The following ASMTL variants were observed in gnomAD, a reference collection of about 807,000 sequenced individuals.
The protein encoded by ASMTL is acetylserotonin O-methyltransferase like, also known as probable bifunctional dTTP/UTP pyrophosphatase/methyltransferase protein.
ASMTL carries 57 observed loss-of-function variants against 60.3 expected under a neutral mutation model. The ratio of observed to expected loss-of-function variants is 0.95; its 90% CI spans 0.76 to 1.18. The LOEUF (loss-of-function observed/expected upper bound fraction) is 1.18, where lower values mean the gene tolerates loss of function less well. ASMTL is among the 50% of genes most tolerant of loss of function. ASMTL has a pLI of 0.00. For missense variants in ASMTL, 981 were observed against 852.6 expected (o/e 1.15, Z -1.88); for synonymous variants, 419 against 373.0 (o/e 1.12, Z -1.42).
At chrX:1,421,289 T>TG (rs1372110047) in intron 9 of ASMTL, among the ~76,000 whole-genome samples, 1 of 151,838 alleles carries the variant, frequency 6.6e-6, no homozygotes, top group Non-Finnish European at 1.5e-5. Context: ...TTTGTAGAGA[T>TG]GGGGGTCTCA....
At chrX:1,437,640 G>C (rs1460617288) in intron 3 of ASMTL, among the ~76,000 whole-genome samples, 33 of 152,162 alleles carry the variant, frequency 2.2e-4, no homozygotes, top group African/African-American at 6.5e-4. Flanking sequence ...GCTCACGCCT[G>C]TAATCCTAGC....
chrX:1,417,928 T>C, intron 11 of ASMTL, 45 bp downstream of exon 11: 1 of 1,565,454 alleles, frequency 6.4e-7, no homozygotes. Flanking sequence ...AAAGAGATGC[T>C]GCAGTCTGGA....
chrX:1,418,158 T>C (rs1440354238), intron 10 of ASMTL, 42 bp from the exon 11 acceptor site: 5 of 1,553,652 alleles, frequency 3.2e-6, no homozygotes, highest in East Asian at 2.3e-5. Context: ...GGGTCGTCTA[T>C]GGAACTCTGA....
At chrX:1,412,520 G>A (rs1339475373) in intron 12 of ASMTL, among the ~76,000 whole-genome samples, 14 of 151,880 alleles carry the variant, frequency 9.2e-5, no homozygotes, top group African/African-American at 2.2e-4. Flanking sequence ...GAGCCACCAC[G>A]CCTGGCTAAT....
chrX:1,412,543 AGTAGCGATGGG>A (rs2090069161), intron 12 of ASMTL, 178 bp downstream of exon 12: 1 of 222,322 alleles, frequency 4.5e-6, no homozygotes. Flanking sequence ...TTGTATTTTT[AGTAGCGATGGG>A]GTTTCACCAC....
chrX:1,449,748 A>G (rs1303686965), intron 1 of ASMTL, among the ~76,000 whole-genome samples: 2 of 130,926 alleles, frequency 1.5e-5, no homozygotes, highest in Non-Finnish European at 3.1e-5. Context: ...ATCCCCCATC[A>G]CCAGTAACTA....
intron 6 of ASMTL, chrX:1,431,927 G>C: frequency 3.3e-6 from 1 of 304,694 alleles, no homozygotes. Flanking sequence ...GAGTTTATTC[G>C]TGTTAATTGC....
chrX:1,450,811 C>A (rs1398533601), intron 1 of ASMTL, among the ~76,000 whole-genome samples: 2 of 146,390 alleles, frequency 1.4e-5, no homozygotes, highest in Admixed American at 1.3e-4. Context: ...GTTACTTTCC[C>A]CACCCACATC....
Position 1,442,180 on chromosome X carries a change from C to T in ASMTL, c.225+6G>A, listed in dbSNP as rs750745991. 6.2e-6 allele frequency: 10 copies of T among 1,613,312 alleles called. No individual in the cohort carries two copies. Among genetic ancestry groups the T allele is most frequent in the Non-Finnish European group, 3.4e-6 (4 of 1,179,810 alleles). ...TCATAAGGGCCGAAGGGCAGGGGCC[C>T]CTTGCCTGGTACAGCCGGTTGGCCA... On this transcript the variant is annotated splice_donor_region_variant and intron_variant, in intron 2 of 12. Transcript: ENST00000381317.
chrX:1,423,911 C>A (rs1320559239), intron 8 of ASMTL, among the ~76,000 whole-genome samples: 2 of 150,202 alleles, frequency 1.3e-5, no homozygotes, highest in Non-Finnish European at 3.0e-5. Context: ...CATCTATTCA[C>A]CCATCCACTG....
At chrX:1,405,326 G>T (rs2089778581) in intron 12 of ASMTL, among the ~76,000 whole-genome samples, 2 of 151,428 alleles carry the variant, frequency 1.3e-5, no homozygotes, top group Middle Eastern at 3.4e-3. Context: ...GTAGATGATG[G>T]ATCGTTAGGT....
intron 5 of ASMTL, among the ~76,000 whole-genome samples, 163 bp from the exon 6 acceptor site, chrX:1,432,540 G>A (rs1404622853): frequency 6.6e-6 from 1 of 152,180 alleles, no homozygotes; most frequent in Non-Finnish European, 1.5e-5. Context: ...CAAGAAAAGG[G>A]AGAAAGGGGC....
intron 11 of ASMTL, among the ~76,000 whole-genome samples, chrX:1,416,689 GAC>G (rs1202427479): frequency 3.3e-5 from 5 of 150,602 alleles, no homozygotes; most frequent in East Asian, 2.0e-4. Flanking sequence ...CGCAGATGCA[GAC>G]ACAGAGACAC....
intron 8 of ASMTL, among the ~76,000 whole-genome samples, chrX:1,422,206 T>C (rs28498374): frequency 0.67 from 101,293 of 151,600 alleles, 34,843 homozygotes; most frequent in South Asian, 0.87. Flanking sequence ...TGTGGAGGTG[T>C]GCTGTAGCTG....
chrX:1,405,636 AGATG>A (rs2089797245), intron 12 of ASMTL, among the ~76,000 whole-genome samples: 1 of 150,372 alleles, frequency 6.7e-6, no homozygotes, highest in Non-Finnish European at 1.5e-5. Context: ...ATGGATGGAT[AGATG>A]GATGCATGGA....
chrX:1,421,112 A>G (rs1472121118), intron 9 of ASMTL, among the ~76,000 whole-genome samples: 2 of 151,934 alleles, frequency 1.3e-5, no homozygotes, highest in African/African-American at 4.8e-5. Flanking sequence ...GGCACGCGCC[A>G]TCATCCCCAG....
At chrX:1,420,716 G>A (rs185357602) in intron 9 of ASMTL, among the ~76,000 whole-genome samples, 8 of 152,362 alleles carry the variant, frequency 5.3e-5, no homozygotes, top group Admixed American at 3.3e-4. Context: ...TGCAAACAGC[G>A]GCCTCAGATA....
At chrX:1,428,274 A>C in intron 6 of ASMTL, 153 bp from the exon 7 acceptor site, 2 of 532,622 alleles carry the variant, frequency 3.8e-6, no homozygotes, top group Non-Finnish European at 4.8e-6. Flanking sequence ...TCTACTAAAA[A>C]AAATACAAAA....
Position 1,410,765 on chromosome X carries a change from C to G in ASMTL, c.1645+1967G>C, listed in dbSNP as rs1359348440. On this transcript the variant is annotated intron_variant, in intron 12 of 12. Coordinates refer to ENST00000381317, the MANE Select transcript of ASMTL (RefSeq NM_004192.4). ...GGGCATGGTGATGCATGATGCATGC[C>G]TGTACTTCCAGCTACTCGGGAGGCT... Among the ~76,000 whole-genome samples the G allele has an allele frequency of 4.7e-5, 7 of 148,824 alleles. No individual in the cohort carries two copies. The East Asian group carries it at 1.2e-3, about 26-fold the overall frequency.
Sources: gnomAD v4.1 joint callset for allele counts (sites outside exome capture counted in the v4.1 genomes callset) on GRCh38, gnomAD v4.1.1 for gene constraint, MANE v1.5 for transcripts, NCBI Gene and HGNC (gene_info 2026-07-23, HGNC 2026-07-21) for gene names.